The following UBE2H variants were observed in gnomAD, a reference collection of about 807,000 sequenced individuals.
UBE2H encodes the protein ubiquitin conjugating enzyme E2 H, also known as ubiquitin-conjugating enzyme E2 H.
In UBE2H, 3 loss-of-function variants were observed where a neutral mutation model predicts 29.0. That is an observed-to-expected ratio of 0.10 (90% confidence interval 0.05 to 0.27). UBE2H has a LOEUF of 0.27. Ranked by LOEUF, UBE2H falls within the 10% of genes least tolerant of loss-of-function variation. The probability of loss-of-function intolerance (pLI) is 1.00; values close to 1 mark genes in which losing one functional copy is unlikely to be tolerated. For synonymous variants in UBE2H, 69 were observed against 82.9 expected (o/e 0.83, Z 0.91); for missense variants, 68 against 228.2 (o/e 0.30, Z 4.52).
intron 1 of UBE2H, among the ~76,000 whole-genome samples, chr7:129,906,209 T>C (rs973673577): frequency 2.2e-4 from 31 of 143,036 alleles, no homozygotes; most frequent in Non-Finnish European, 4.1e-4. Flanking sequence ...TTTTTTTTTC[T>C]TTCTTTTTTT....
Position 129,831,508 on chromosome 7 carries a change from G to T in UBE2H, c.*3429C>A, listed in dbSNP as rs1471292883. On this transcript the variant is annotated 3_prime_UTR_variant, in exon 7 of 7. Transcript: ENST00000355621. ...CCAATGCCAACTAGGACTTCAGGGG[G>T]CCTTTGGAGGGAAAAATTCCTTTGA... The T allele has an allele frequency of 6.6e-6, 1 of 152,204 alleles. No homozygotes were observed. Among genetic ancestry groups the T allele is most frequent in the African/African-American group, 2.4e-5 (1 of 41,446 alleles). 9.4% of individuals were successfully genotyped at this position (152,204 alleles called of 1,614,324 possible).
intron 1 of UBE2H, among the ~76,000 whole-genome samples, chr7:129,942,212 C>CAA (rs966117564): frequency 0.022 from 733 of 34,032 alleles, 9 homozygotes; most frequent in East Asian, 0.14. Context: ...GACTCGGTCT[C>CAA]AAAAAAAAAA....
intron 1 of UBE2H, among the ~76,000 whole-genome samples, chr7:129,936,693 G>A (rs370099702): frequency 1.8e-3 from 266 of 150,806 alleles, no homozygotes; most frequent in Admixed American, 4.2e-3. Flanking sequence ...GCAGTGGCTT[G>A]TGCCTGTAAT....
rs574068154 is a variant in UBE2H, at chr7:129,952,569, CCT to C, written c.-16_-15del. On this transcript the variant is annotated 5_prime_UTR_variant, in exon 1 of 7. Transcript: ENST00000355621. ...GGGAGATGACATGGTGTCGCCGCCG[CCT>C]CTCTCCCTTCCTCGGCCCGTCTGTC... 1,326 of 1,609,976 alleles carry C rather than the reference CCT, an allele frequency of 8.2e-4. 5 individuals are homozygous for C. Among genetic ancestry groups the C allele is most frequent in the Middle Eastern group, 7.4e-3 (45 of 6,042 alleles).
intron 1 of UBE2H, among the ~76,000 whole-genome samples, chr7:129,944,088 G>A (rs1248986071): frequency 1.3e-5 from 2 of 152,208 alleles, no homozygotes; most frequent in African/African-American, 2.4e-5. Flanking sequence ...CAGGCGCTGT[G>A]GCTCATGCCT....
intron 1 of UBE2H, among the ~76,000 whole-genome samples, chr7:129,923,989 G>C (rs1406911449): frequency 1.3e-5 from 2 of 152,214 alleles, no homozygotes; most frequent in Non-Finnish European, 2.9e-5. Flanking sequence ...TTCATTCACA[G>C]AGTAGGCCAA....
chr7:129,890,233 A>ATATATATACACACGTATACATACACACG (rs1563035789), intron 1 of UBE2H, among the ~76,000 whole-genome samples: 1 of 151,930 alleles, frequency 6.6e-6, no homozygotes, highest in Non-Finnish European at 1.5e-5. Context: ...GATACCACAT[A>ATATATATACACACGTATACATACACACG]TATATATACA....
At chr7:129,890,330 C>A (rs1048880452) in intron 1 of UBE2H, among the ~76,000 whole-genome samples, 1 of 150,802 alleles carries the variant, frequency 6.6e-6, no homozygotes, top group African/African-American at 2.4e-5. Context: ...TGTATATATA[C>A]GTGTGTATAT....
At chr7:129,857,348 TAAGAG>T in intron 5 of UBE2H, 158 bp downstream of exon 5, 1 of 664,604 alleles carries the variant, frequency 1.5e-6, no homozygotes, top group South Asian at 2.1e-5. Flanking sequence ...TATTTGTACT[TAAGAG>T]AAAACATTTT....
intron 3 of UBE2H, among the ~76,000 whole-genome samples, chr7:129,869,201 G>T (rs907176250): frequency 2.0e-5 from 3 of 152,042 alleles, no homozygotes; most frequent in African/African-American, 4.8e-5. Context: ...GCCTCCCAAA[G>T]TGCTGGGATT....
At chr7:129,852,435 C>A (rs1805627355) in intron 5 of UBE2H, among the ~76,000 whole-genome samples, 2 of 151,802 alleles carry the variant, frequency 1.3e-5, no homozygotes, top group South Asian at 2.1e-4. Context: ...CCACTGCACT[C>A]CAGCCTGGGC....
chr7:129,938,702 G>T (rs118155272), intron 1 of UBE2H, among the ~76,000 whole-genome samples: 1 of 145,654 alleles, frequency 6.9e-6, no homozygotes. Context: ...GCAAAACTTC[G>T]TCTCAAAAAA....
intron 1 of UBE2H, among the ~76,000 whole-genome samples, chr7:129,925,598 A>G (rs1160798428): frequency 6.6e-6 from 1 of 152,166 alleles, no homozygotes; most frequent in Non-Finnish European, 1.5e-5. Flanking sequence ...GCAGTCAAAG[A>G]GCCTTGTTTC....
chr7:129,937,162 T>C (rs990762412), intron 1 of UBE2H, among the ~76,000 whole-genome samples: 1 of 150,504 alleles, frequency 6.6e-6, no homozygotes, highest in African/African-American at 2.4e-5. Flanking sequence ...ACCCCGTCTC[T>C]ACAAAAATAC....
intron 1 of UBE2H, among the ~76,000 whole-genome samples, chr7:129,919,024 C>T (rs964297738): frequency 6.8e-6 from 1 of 146,602 alleles, no homozygotes; most frequent in Non-Finnish European, 1.5e-5. Flanking sequence ...GTCGAGGCTG[C>T]AGTGAGCTAT....
intron 1 of UBE2H, among the ~76,000 whole-genome samples, chr7:129,950,362 C>T (rs1807849323): frequency 6.6e-6 from 1 of 152,016 alleles, no homozygotes; most frequent in Non-Finnish European, 1.5e-5. Context: ...TCATCTTCTA[C>T]TAAAAATAAG....
At chr7:129,904,507 C>T (rs1806778034) in intron 1 of UBE2H, among the ~76,000 whole-genome samples, 2 of 152,178 alleles carry the variant, frequency 1.3e-5, no homozygotes, top group South Asian at 4.1e-4. Context: ...TTATTCTCTA[C>T]CTCATTCTAT....
chr7:129,857,472 T>A, intron 5 of UBE2H, 39 bp downstream of exon 5: 1 of 1,589,530 alleles, frequency 6.3e-7, no homozygotes, highest in Non-Finnish European at 8.6e-7. Flanking sequence ...TTAGGCAATG[T>A]CTCAACATCT....
chr7:129,855,976 T>TG (rs1355397522), intron 5 of UBE2H, among the ~76,000 whole-genome samples: 1 of 152,138 alleles, frequency 6.6e-6, no homozygotes, highest in Non-Finnish European at 1.5e-5. Context: ...TGATTTCAGA[T>TG]GGAGTAGCTG....
Sources: allele counts gnomAD v4.1 joint callset (sites outside exome capture counted in the v4.1 genomes callset), GRCh38; gene constraint gnomAD v4.1.1; transcripts MANE v1.5; gene names NCBI Gene and HGNC (gene_info 2026-07-23, HGNC 2026-07-21).